The following LMO7 variants were observed in gnomAD, a reference collection of about 807,000 sequenced individuals.
LMO7 encodes the protein LIM domain only protein 7.
LMO7 carries 120 observed loss-of-function variants against 206.5 expected under a neutral mutation model. The observed-to-expected ratio is 0.58, with a 90% CI of 0.50 to 0.68. LMO7 has a LOEUF of 0.68. Among genes scored for constraint, LMO7 ranks in the 30% least tolerant of loss-of-function variants. The pLI, the probability that LMO7 is intolerant of heterozygous loss-of-function variation, is 0.00. For synonymous variants in LMO7, 706 were observed against 681.5 expected, an observed-to-expected ratio of 1.04 and a Z score of -0.56; for missense variants, 1,959 against 1,957.9, an observed-to-expected ratio of 1.00 and a Z score of -0.01.
At chr13:75,623,248 C>T in intron 1 of LMO7, 1 of 1,229,420 alleles carries the variant, frequency 8.1e-7, no homozygotes, top group Middle Eastern at 1.9e-4. Flanking sequence ...TTTTAACTTT[C>T]CTAATCATGA....
intron 3 of LMO7, among the ~76,000 whole-genome samples, chr13:75,746,488 C>T (rs1031295130): frequency 8.5e-5 from 13 of 152,188 alleles, no homozygotes; most frequent in African/African-American, 2.9e-4. Flanking sequence ...GAATGGCCTG[C>T]GGGTGGGTTT....
chr13:75,748,580 G>C (rs1313056371), intron 3 of LMO7, among the ~76,000 whole-genome samples: 1 of 152,164 alleles, frequency 6.6e-6, no homozygotes, highest in Non-Finnish European at 1.5e-5. Context: ...GGTCAGTTGG[G>C]AATAACTGGA....
upstream of LMO7, among the ~76,000 whole-genome samples, chr13:75,632,862 G>GTTTTTTTTTTTTTTT (rs10690832): frequency 0.013 from 1,344 of 102,098 alleles, 183 homozygotes; most frequent in Non-Finnish European, 0.019. Context: ...TTACTTAAAA[G>GTTTTTTTTTTTTTTT]TTTTTTTTTT....
chr13:75,633,377 A>G (rs1328638881), upstream of LMO7, among the ~76,000 whole-genome samples: 1 of 152,196 alleles, frequency 6.6e-6, no homozygotes, highest in Non-Finnish European at 1.5e-5. Flanking sequence ...GATAGTGCCA[A>G]TAAAAAGTAG....
At chr13:75,846,687 A>G (rs1050453052) in intron 26 of LMO7, among the ~76,000 whole-genome samples, 8 of 152,172 alleles carry the variant, frequency 5.3e-5, no homozygotes, top group Admixed American at 3.9e-4. Flanking sequence ...TATTTTGTAT[A>G]TATGTTTTCC....
chr13:75,741,673 A>T (rs552082614), intron 3 of LMO7, among the ~76,000 whole-genome samples: 12 of 152,354 alleles, frequency 7.9e-5, no homozygotes, highest in African/African-American at 2.4e-4. Context: ...TTTTGATAAA[A>T]TTCAACACTG....
At chr13:75,793,067 T>G (rs1389503757) in intron 4 of LMO7, among the ~76,000 whole-genome samples, 2 of 152,134 alleles carry the variant, frequency 1.3e-5, no homozygotes, top group Admixed American at 1.3e-4. Context: ...GTGCTTATGA[T>G]CAAAGTGGGA....
chr13:75,681,219 G>A (rs1035144623), intron 1 of LMO7, among the ~76,000 whole-genome samples: 3 of 152,014 alleles, frequency 2.0e-5, no homozygotes, highest in African/African-American at 7.2e-5. Flanking sequence ...CGATGTTTTT[G>A]CCATGAAATC....
intron 1 of LMO7, among the ~76,000 whole-genome samples, chr13:75,656,109 G>A (rs571827770): frequency 6.6e-6 from 1 of 152,286 alleles, no homozygotes; most frequent in South Asian, 2.1e-4. Flanking sequence ...TGGGATCCAG[G>A]TCTATCTGTG....
rs1177353461 is a variant in LMO7, at chr13:75,859,300, G to A, written c.*1357G>A. 6.6e-6 allele frequency: 1 copy of A among 152,120 alleles called. No individual in the cohort carries two copies. The highest frequency in any genetic ancestry group is 2.4e-5 in the African/African-American group (1 of 41,434). The allele number at this position is 152,120 out of a possible 1,614,324, so 9.4% of individuals were successfully genotyped here. A position where few individuals can be genotyped will look rare whatever the true frequency, so the allele number is the denominator to read the frequency against. ...TTATTAAAGTAATAATGTGTTCCTT[G>A]AGGATAACTTGTCAAATGCCCCAAA... On this transcript the variant is annotated 3_prime_UTR_variant, in exon 31 of 31. Transcript: ENST00000377534.
chr13:75,686,810 TG>T (rs2041043997), intron 1 of LMO7, among the ~76,000 whole-genome samples: 1 of 152,124 alleles, frequency 6.6e-6, no homozygotes, highest in African/African-American at 2.4e-5. Context: ...CTCATAGTTC[TG>T]GAAGCTGGGA....
intron 4 of LMO7, among the ~76,000 whole-genome samples, chr13:75,771,865 A>G (rs865889039): frequency 6.6e-6 from 1 of 152,080 alleles, no homozygotes; most frequent in East Asian, 1.9e-4. Context: ...CAGTAAAAGT[A>G]TCTATTCTAT....
chr13:75,788,603 T>C (rs7321748), intron 4 of LMO7, among the ~76,000 whole-genome samples: 59,834 of 152,036 alleles, frequency 0.39, 12,360 homozygotes, highest in East Asian at 0.6. Context: ...ATATACTTTT[T>C]CTTCCTGTGA....
At chr13:75,654,411 C>T (rs116689786) in intron 1 of LMO7, among the ~76,000 whole-genome samples, 73 of 152,270 alleles carry the variant, frequency 4.8e-4, no homozygotes, top group African/African-American at 1.6e-3. Flanking sequence ...TCCTTTTTCT[C>T]GTTTTCAGCT....
intron 1 of LMO7, 64 bp downstream of exon 1, chr13:75,636,790 GTGACTGCAGCCC>G: frequency 6.8e-7 from 1 of 1,472,888 alleles, no homozygotes. Context: ...TCGTCGCGAG[GTGACTGCAGCCC>G]CAGTCACTCT....
At chr13:75,663,674 C>T (rs1447847679) in intron 1 of LMO7, among the ~76,000 whole-genome samples, 2 of 152,198 alleles carry the variant, frequency 1.3e-5, no homozygotes, top group African/African-American at 4.8e-5. Context: ...TTGTGATCCA[C>T]CCGCCTCGGC....
chr13:75,740,316 T>C (rs930323043), intron 3 of LMO7, among the ~76,000 whole-genome samples: 1 of 152,186 alleles, frequency 6.6e-6, no homozygotes, highest in Non-Finnish European at 1.5e-5. Flanking sequence ...GGGCTGGGTT[T>C]GGTCACTCAC....
At chr13:75,812,142 T>C (rs547856397) in intron 11 of LMO7, among the ~76,000 whole-genome samples, 1 of 93,292 alleles carries the variant, frequency 1.1e-5, no homozygotes, top group African/African-American at 4.9e-5. Context: ...AGTGCCTTCA[T>C]AGCCAGAGAT....
intron 26 of LMO7, among the ~76,000 whole-genome samples, chr13:75,847,914 C>T (rs1050509549): frequency 6.6e-6 from 1 of 152,138 alleles, no homozygotes; most frequent in Non-Finnish European, 1.5e-5. Flanking sequence ...CACACGTGCA[C>T]AATGCCACAT....
Sources: allele counts gnomAD v4.1 joint callset (sites outside exome capture counted in the v4.1 genomes callset), GRCh38; gene constraint gnomAD v4.1.1; transcripts MANE v1.5; gene names NCBI Gene and HGNC (gene_info 2026-07-23, HGNC 2026-07-21).